Variants in ANTXR1 observed in about 807,000 individuals in gnomAD.
The protein encoded by ANTXR1 is ANTXR cell adhesion molecule 1.
In ANTXR1, 19 loss-of-function variants were observed where a neutral mutation model predicts 78.1. The observed-to-expected ratio is 0.24, with a 90% confidence interval of 0.17 to 0.36. ANTXR1 has a LOEUF of 0.36. Ranked by LOEUF, ANTXR1 falls within the 10% of genes least tolerant of loss-of-function variation. The pLI is 1.00. For missense variants in ANTXR1, 518 were observed against 718.6 expected (o/e 0.72, Z 3.19); for synonymous variants, 273 against 260.5 (o/e 1.05, Z -0.46).
At chr2:69,175,261 C>T (rs764885056) in intron 14 of ANTXR1, among the ~76,000 whole-genome samples, 2 of 152,152 alleles carry the variant, frequency 1.3e-5, no homozygotes, top group Admixed American at 6.5e-5. Context: ...CTATGTTTCC[C>T]GCCTGTCTTC....
Position 69,205,054 on chromosome 2 carries a change from C to T in ANTXR1, c.1434+11639C>T, listed in dbSNP as rs576520926. On this transcript the variant is annotated intron_variant, in intron 17 of 17. Coordinates refer to ENST00000303714, the MANE Select transcript of ANTXR1 (RefSeq NM_032208.3). ...AGCATGAACAAGGCGAGATCCCTGC[C>T]CTTGTGGAGTGTACACTGGAGTGGT... Among the ~76,000 whole-genome samples, 25 of 152,274 alleles carry T rather than the reference C, an allele frequency of 1.6e-4. 1 individual carries two copies. In the South Asian group the frequency reaches 5.2e-3, roughly 32 times the overall value.
intron 12 of ANTXR1, among the ~76,000 whole-genome samples, chr2:69,137,193 T>C (rs1672933768): frequency 1.3e-5 from 2 of 152,220 alleles, no homozygotes; most frequent in African/African-American, 4.8e-5. Context: ...TTGTGTTTTT[T>C]TTAAGTTTAT....
intron 14 of ANTXR1, among the ~76,000 whole-genome samples, chr2:69,177,830 C>T (rs7583289): frequency 0.041 from 6,173 of 152,242 alleles, 401 homozygotes; most frequent in African/African-American, 0.14. Flanking sequence ...CCCCACCACT[C>T]GGGGGGATTG....
At chr2:69,017,747 T>G (rs566256363) in intron 1 of ANTXR1, among the ~76,000 whole-genome samples, 1 of 152,216 alleles carries the variant, frequency 6.6e-6, no homozygotes, top group South Asian at 2.1e-4. Context: ...TTGCTGGGAA[T>G]TCAGTCGGGG....
chr2:69,016,357 G>C (rs1671026271), intron 1 of ANTXR1, among the ~76,000 whole-genome samples: 1 of 151,938 alleles, frequency 6.6e-6, no homozygotes, highest in Non-Finnish European at 1.5e-5. Context: ...AAAAATGAGG[G>C]GTGTTCCTTT....
Position 69,141,485 on chromosome 2 carries a change from C to T in ANTXR1, c.952-10684C>T, listed in dbSNP as rs112730747. ...GAGCAGTTTTCAAAAGTCTTTGAGT[C>T]CAGTGTGCGCAAGTCAACAAGCAGT... On this transcript the variant is annotated intron_variant, in intron 12 of 17. Coordinates refer to ENST00000303714, the MANE Select transcript of ANTXR1 (RefSeq NM_032208.3). 2.1e-3 allele frequency among the ~76,000 whole-genome samples: 320 copies of T among 152,082 alleles called. 2 individuals are homozygous for T. The highest frequency in any genetic ancestry group is 3.7e-3 in the Non-Finnish European group (252 of 68,018).
At chr2:69,154,076 G>C (rs1225519274) in intron 13 of ANTXR1, among the ~76,000 whole-genome samples, 1 of 152,158 alleles carries the variant, frequency 6.6e-6, no homozygotes, top group Admixed American at 6.5e-5. Flanking sequence ...TATGATACTG[G>C]ATGGCATTCA....
intron 4 of ANTXR1, 56 bp downstream of exon 4, chr2:69,070,784 A>C: frequency 6.7e-7 from 1 of 1,495,932 alleles, no homozygotes. Context: ...AAATATCAAC[A>C]TGGGGTGACT....
At chr2:69,135,658 G>A (rs1421573570) in intron 12 of ANTXR1, among the ~76,000 whole-genome samples, 2 of 152,076 alleles carry the variant, frequency 1.3e-5, no homozygotes, top group Non-Finnish European at 2.9e-5. Flanking sequence ...ATTACATAAT[G>A]TTAAAAGGAA....
intron 3 of ANTXR1, among the ~76,000 whole-genome samples, chr2:69,057,915 C>A (rs547063582): frequency 7.4e-4 from 112 of 152,246 alleles, no homozygotes; most frequent in African/African-American, 2.6e-3. Context: ...GATTAAAAAG[C>A]AAAACAGCCT....
intron 3 of ANTXR1, among the ~76,000 whole-genome samples, chr2:69,066,136 T>C (rs1011990245): frequency 5.9e-5 from 9 of 152,202 alleles, no homozygotes; most frequent in Non-Finnish European, 8.8e-5. Flanking sequence ...TATTTTTGGA[T>C]GGTGATGGAG....
At chr2:69,044,059 G>T (rs1454972568) in intron 2 of ANTXR1, among the ~76,000 whole-genome samples, 5 of 152,190 alleles carry the variant, frequency 3.3e-5, no homozygotes, top group Non-Finnish European at 7.3e-5. Context: ...TTCGTCCTCA[G>T]GTGAGAGTGC....
chr2:69,022,271 G>A (rs1014822097), intron 1 of ANTXR1, among the ~76,000 whole-genome samples: 1 of 152,178 alleles, frequency 6.6e-6, no homozygotes, highest in Non-Finnish European at 1.5e-5. Context: ...CAATGAGGGT[G>A]CTGTTAGCAT....
chr2:69,021,042 T>C (rs1368286089), intron 1 of ANTXR1, among the ~76,000 whole-genome samples: 1 of 152,194 alleles, frequency 6.6e-6, no homozygotes, highest in Non-Finnish European at 1.5e-5. Flanking sequence ...TCAGTGAGGA[T>C]TTGGGAAAGG....
chr2:69,206,969 T>G (rs1034115806), intron 17 of ANTXR1, among the ~76,000 whole-genome samples: 15 of 152,152 alleles, frequency 9.9e-5, no homozygotes. Context: ...TTAAGCAACA[T>G]GAAGGCTTCC....
intron 6 of ANTXR1, 128 bp from the exon 7 acceptor site, chr2:69,075,462 C>G (rs887009798): frequency 1.1e-5 from 10 of 888,368 alleles, no homozygotes; most frequent in Admixed American, 3.4e-5. Flanking sequence ...ATTGCCTTCT[C>G]CAGTATGGCA....
At chr2:69,194,589 A>G (rs917776953) in intron 17 of ANTXR1, among the ~76,000 whole-genome samples, 2 of 152,234 alleles carry the variant, frequency 1.3e-5, no homozygotes, top group African/African-American at 4.8e-5. Flanking sequence ...ACCGTGGCTC[A>G]TACCTGTAAT....
chr2:69,037,837 T>C (rs1215921646), intron 1 of ANTXR1, among the ~76,000 whole-genome samples: 1 of 151,980 alleles, frequency 6.6e-6, no homozygotes, highest in Non-Finnish European at 1.5e-5. Context: ...ATGCAGTATG[T>C]ATAAAGGCTG....
chr2:69,143,419 A>T (rs1673126496), intron 12 of ANTXR1, among the ~76,000 whole-genome samples: 2 of 152,166 alleles, frequency 1.3e-5, no homozygotes, highest in African/African-American at 4.8e-5. Context: ...GAGAGGAGAA[A>T]ATCACGCAGC....
Sources: gnomAD v4.1 joint callset for allele counts (sites outside exome capture counted in the v4.1 genomes callset) on GRCh38, gnomAD v4.1.1 for gene constraint, MANE v1.5 for transcripts, NCBI Gene and HGNC (gene_info 2026-07-23, HGNC 2026-07-21) for gene names.